Variants in FASN observed in about 807,000 individuals in gnomAD.
FASN encodes the protein 3-hydroxyacyl-[acyl-carrier-protein] dehydratase.
In FASN, 50 loss-of-function variants were observed where a neutral mutation model predicts 250.0. The observed-to-expected ratio is 0.20, with a 90% CI of 0.16 to 0.25. FASN has a LOEUF of 0.25. FASN is among the 10% of genes least tolerant of loss of function. The pLI is 1.00. For missense variants in FASN, 3,031 were observed against 3,498.5 expected (o/e 0.87, Z 3.37); for synonymous variants, 1,909 against 1,584.0 (o/e 1.21, Z -4.87).
rs747467688 is a variant in FASN, at chr17:82,085,511, G to A, written c.4093C>T (p.Pro1365Ser). 4 of 1,595,294 alleles carry A rather than the reference G, an allele frequency of 2.5e-6. No homozygotes were observed. Among genetic ancestry groups the A allele is most frequent in the East Asian group, 2.3e-5 (1 of 43,970 alleles). ...CTCAGGATGCCCTGGCCATACTGCG[G>A]CTCAGTGGAGGTGAGGAAGGCCACG... ...DIVAFLTSTE[P>S]QYGQGILSQD... The change falls in exon 23 of 43, where the codon CCG becomes TCG. Residue 1365 changes from proline to serine, a missense_variant. Transcript: ENST00000306749.
Position 82,080,588 on chromosome 17 carries a change from C to A in FASN, c.6829G>T (p.Ala2277Ser). ...PTYGLQCTRA[A>S]PLDSIHSLAA... ...AGGCTGTGGATGCTGTCAAGGGGCG[C>A]AGCTGCAATGGCAGTGCCGGGCACT... Residue 2277 changes from alanine to serine, a missense_variant and splice_region_variant, in exon 40 of 43, where the codon GCG becomes TCG. Ala to Ser is a moderately conservative substitution (Grantham distance 99). Coordinates refer to ENST00000306749, the MANE Select transcript of FASN (RefSeq NM_004104.5). 6.4e-7 allele frequency: 1 copy of A among 1,554,952 alleles called. No homozygotes were observed. Among genetic ancestry groups the A allele is most frequent in the Non-Finnish European group, 8.7e-7 (1 of 1,150,136 alleles).
At chr17:82,084,438 T>TC in intron 27 of FASN, 54 bp from the exon 28 acceptor site, 2 of 1,586,314 alleles carry the variant, frequency 1.3e-6, no homozygotes, top group Non-Finnish European at 1.7e-6. Flanking sequence ...CCCGAGGGGC[T>TC]CCCAGGCAGG....
chr17:82,080,811 G>C lies in FASN; in HGVS notation c.6707C>G (p.Ser2236Cys). 6.2e-7 allele frequency: 1 copy of C among 1,609,132 alleles called. No homozygotes were observed. The highest frequency in any genetic ancestry group is 8.5e-7 in the Non-Finnish European group (1 of 1,178,738). ...PEGPTLMRLNSVQSSERPLFL... is the reference protein window; with the variant it reads ...PEGPTLMRLNCVQSSERPLFL... ...CAGGGGCCGCTCCGAGCTCTGCACG[G>C]AGTTGAGCCGCATCAGGGTGGGGCC... is the stretch of plus-strand genomic sequence containing the variant. Residue 2236 changes from serine to cysteine, a missense_variant, in exon 39 of 43, where the codon TCC (serine) becomes TGC (cysteine). Transcript: ENST00000306749.
intron 22 of FASN, among the ~76,000 whole-genome samples, 155 bp downstream of exon 22, chr17:82,086,098 AC>A (rs1297157028): frequency 1.1e-4 from 16 of 152,146 alleles, no homozygotes; most frequent in Non-Finnish European, 2.4e-4. Context: ...GGCTGTGTGG[AC>A]CGCACAGGAC....
chr17:82,080,105 T>C (rs1345106206), intron 41 of FASN, 35 bp downstream of exon 41: 10 of 1,598,514 alleles, frequency 6.3e-6, no homozygotes, highest in Non-Finnish European at 7.7e-6. Context: ...CCCAGTACTC[T>C]GGGTCCTGCG....
Position 82,085,848 on chromosome 17 carries a change from C to T in FASN, c.3756G>A (p.Leu1252=), listed in dbSNP as rs1162918280. 32 of 1,551,844 alleles carry T rather than the reference C, an allele frequency of 2.1e-5. No homozygotes were observed. Among genetic ancestry groups the T allele is most frequent in the Non-Finnish European group, 2.4e-5 (28 of 1,154,126 alleles). The stretch of plus-strand genomic sequence containing the variant: ...TGAGCAGGCCTGGGATGCGGGAATA[C>T]AGGTGACCGTGGCCAGCCAGCACCT... ...VVEVLAGHGH[L]YSRIPGLLSP... Residue 1252 remains leucine (L), a synonymous_variant, in exon 23 of 43, where the codon CTG becomes CTA. Transcript: ENST00000306749.
chr17:82,090,967 A>G lies in FASN; in HGVS notation c.1595T>C (p.Leu532Pro). ...GCTCAGCAGCAGCTGTGACACCTTC[A>G]GGCCGAATGGCTTCACAGCCTCATC... ...RSDEAVKPFG[L>P]KVSQLLLSTD... is the part of the protein sequence containing the mutation. The change falls in exon 10 of 43, where the codon CTG (leucine) becomes CCG (proline). Residue 532 changes from leucine (L) to proline (P), a missense_variant. Leu to Pro is a moderately conservative substitution (Grantham distance 98). Transcript: ENST00000306749. 1.2e-6 allele frequency: 2 copies of G among 1,612,926 alleles called. No individual in the cohort carries two copies. Among genetic ancestry groups the G allele is most frequent in the South Asian group, 1.1e-5 (1 of 91,080 alleles).
chr17:82,093,671 G>A lies in FASN; in HGVS notation c.381C>T (p.Leu127=), dbSNP rs371263473. 1.1e-5 allele frequency: 17 copies of A among 1,612,698 alleles called. No homozygotes were observed. The highest frequency in any genetic ancestry group is 4.0e-5 in the African/African-American group (3 of 74,948). ...SEALSRDPET[L]VGYSMVGCQR... ...GGCAGCCCACCATGCTGTAGCCCAC[G>A]AGTGTCTCGGGGTCTCGGCTCAGGG... Residue 127 remains leucine (L), a synonymous_variant, in exon 4 of 43, where the codon CTC becomes CTT. Transcript: ENST00000306749.
At chr17:82,094,646 G>A (rs753415226) in intron 3 of FASN, among the ~76,000 whole-genome samples, 1 of 151,550 alleles carries the variant, frequency 6.6e-6, no homozygotes, top group Non-Finnish European at 1.5e-5. Flanking sequence ...AAAATTAGCC[G>A]GGCGTGGTGG....
At position 82,086,337 on chromosome 17, in the gene FASN, C is replaced by T. The variant is rs778965503; in HGVS notation, c.3649G>A (p.Gly1217Ser). Residue 1217 changes from glycine to serine, a missense_variant, in exon 22 of 43, where the codon GGC (glycine) becomes AGC (serine). Coordinates refer to ENST00000306749, the MANE Select transcript of FASN (RefSeq NM_004104.5). ...TTGAGTGCCGGGGAGTCCAGGAGGC[C>T]GCTGAGCAGAGGGTCCTCTGGCAGC... ...PKLPEDPLLS[G>S]LLDSPALKAC... 12 of 1,606,240 alleles carry T rather than the reference C, an allele frequency of 7.5e-6. No individual in the cohort carries two copies. Among genetic ancestry groups the T allele is most frequent in the South Asian group, 1.1e-5 (1 of 90,650 alleles).
At position 82,087,743 on chromosome 17, in the gene FASN, A is replaced by G. The variant is rs775555843; in HGVS notation, c.2985T>C (p.Arg995=). 1 of 1,612,454 alleles carries G rather than the reference A, an allele frequency of 6.2e-7. No individual in the cohort carries two copies. The highest frequency in any genetic ancestry group is 1.7e-5 in the Admixed American group (1 of 60,012). Residue 995 remains arginine, a synonymous_variant, in exon 19 of 43, where the codon CGT becomes CGC. Coordinates refer to ENST00000306749, the MANE Select transcript of FASN (RefSeq NM_004104.5). ...LAQAEVYKEL[R]LRGYDYGPHF... The stretch of plus-strand genomic sequence containing the variant: ...GAGGGCCGTAGTCGTAGCCACGCAG[A>G]CGCAGCTCCTTGTAAACTTCAGCCT...
intron 26 of FASN, 21 bp downstream of exon 26, chr17:82,084,778 A>C: frequency 2.6e-6 from 4 of 1,550,200 alleles, no homozygotes; most frequent in Non-Finnish European, 3.5e-6. Context: ...CGGGAGGGGC[A>C]GGGCAGTGTC....
chr17:82,089,382 G>A lies in FASN; in HGVS notation c.1968C>T (p.Ala656=), dbSNP rs45540245. 3.0e-3 allele frequency: 4,821 copies of A among 1,612,736 alleles called. 140 individuals carry two copies. In the African/African-American group the frequency reaches 0.057, roughly 19 times the overall value. ...GCTGCTCCACGAACTCAAACACCGG[G>A]GCCTGGACATCGTGGGAGCCTGGAT... is the stretch of plus-strand genomic sequence containing the variant. The part of the protein sequence containing the change: ...KDTVTISGPQ[A]PVFEFVEQLR... The change falls in exon 13 of 43, where the codon GCC becomes GCT. Residue 656 remains alanine, a splice_region_variant and synonymous_variant. Coordinates refer to ENST00000306749, the MANE Select transcript of FASN (RefSeq NM_004104.5).
Position 82,084,606 on chromosome 17 carries a change from G to A in FASN, c.4675C>T (p.Pro1559Ser), listed in dbSNP as rs1185398115. 5 of 1,609,288 alleles carry A rather than the reference G, an allele frequency of 3.1e-6. No homozygotes were observed. Among genetic ancestry groups the A allele is most frequent in the South Asian group, 1.1e-5 (1 of 90,294 alleles). ...TAGACCGTGCAGAGCTGGGCGCCAGGGCAGGTGGGCTGGGCATGGCGCAGC... is the reference window on the plus strand; with the variant it reads ...TAGACCGTGCAGAGCTGGGCGCCAGAGCAGGTGGGCTGGGCATGGCGCAGC... ...SSLRHAQPTC[P>S]GAQLCTVYYA... The change falls in exon 27 of 43, where the codon CCT becomes TCT. Residue 1559 changes from proline to serine, a missense_variant. Physicochemically the swap from Pro to Ser is moderately conservative, Grantham distance 74. Transcript: ENST00000306749.
Sources: gnomAD v4.1 joint callset for allele counts (sites outside exome capture counted in the v4.1 genomes callset) on GRCh38, gnomAD v4.1.1 for gene constraint, MANE v1.5 for transcripts, NCBI Gene and HGNC (gene_info 2026-07-23, HGNC 2026-07-21) for gene names.